Variants in FHIT observed in about 807,000 individuals in gnomAD.
FHIT encodes the protein bis(5'-adenosyl)-triphosphatase.
A neutral mutation model predicts 17.9 loss-of-function variants in FHIT; 19 were observed. The ratio of observed to expected loss-of-function variants is 1.06; its 90% CI spans 0.74 to 1.56. The LOEUF (loss-of-function observed/expected upper bound fraction) is 1.56, where lower values mean the gene tolerates loss of function less well. Ranked by LOEUF, FHIT falls within the 40% of genes most tolerant of loss-of-function variation. FHIT has a pLI of 0.00. For synonymous variants in FHIT, 81 were observed against 69.7 expected (o/e 1.16, Z -0.81); for missense variants, 248 against 189.2 (o/e 1.31, Z -1.82).
chr3:60,434,743 C>T (rs1244883745), intron 5 of FHIT, among the ~76,000 whole-genome samples: 1 of 152,096 alleles, frequency 6.6e-6, no homozygotes, highest in African/African-American at 2.4e-5. Context: ...TCAATTTCCT[C>T]CTGCATTTTG....
chr3:59,774,975 T>C (rs1702237889), intron 8 of FHIT, among the ~76,000 whole-genome samples: 1 of 152,172 alleles, frequency 6.6e-6, no homozygotes, highest in African/African-American at 2.4e-5. Context: ...TTAGGCTTCA[T>C]CTCAGACCGA....
chr3:60,887,283 T>G (rs1023183752), intron 3 of FHIT, among the ~76,000 whole-genome samples: 2 of 152,222 alleles, frequency 1.3e-5, no homozygotes, highest in Non-Finnish European at 2.9e-5. Flanking sequence ...ACTTTTGTTT[T>G]GTTTTGTTTT....
intron 5 of FHIT, among the ~76,000 whole-genome samples, chr3:60,532,915 CCT>C (rs2107590804): frequency 6.6e-6 from 1 of 152,218 alleles, no homozygotes; most frequent in Non-Finnish European, 1.5e-5. Context: ...CATTTACAAG[CCT>C]CTCATGAATG....
intron 5 of FHIT, among the ~76,000 whole-genome samples, chr3:60,473,529 G>T (rs565248566): frequency 6.6e-6 from 1 of 152,300 alleles, no homozygotes; most frequent in South Asian, 2.1e-4. Flanking sequence ...ACATGACAAT[G>T]AAAAGGCCAT....
intron 3 of FHIT, among the ~76,000 whole-genome samples, chr3:60,927,618 C>T (rs879958025): frequency 8.6e-5 from 13 of 151,572 alleles, no homozygotes; most frequent in Admixed American, 4.6e-4. Flanking sequence ...ATGTGAGGAG[C>T]GCCTCTGCCC....
intron 5 of FHIT, among the ~76,000 whole-genome samples, chr3:60,137,472 G>A (rs1316723398): frequency 6.6e-6 from 1 of 152,164 alleles, no homozygotes; most frequent in Non-Finnish European, 1.5e-5. Flanking sequence ...TCTTACATCT[G>A]TGATTCTCCC....
intron 3 of FHIT, among the ~76,000 whole-genome samples, chr3:60,944,085 CT>C (rs1708536290): frequency 6.6e-6 from 1 of 152,164 alleles, no homozygotes; most frequent in Admixed American, 6.5e-5. Flanking sequence ...TGCCTTCATC[CT>C]ACCACCTAAC....
At chr3:60,117,907 G>A (rs1414650535) in intron 5 of FHIT, among the ~76,000 whole-genome samples, 2 of 152,140 alleles carry the variant, frequency 1.3e-5, no homozygotes, top group Non-Finnish European at 2.9e-5. Context: ...GGATATCCAT[G>A]AGGCTGTCAG....
intron 5 of FHIT, among the ~76,000 whole-genome samples, chr3:60,271,033 A>C (rs1286572119): frequency 6.6e-6 from 1 of 152,166 alleles, no homozygotes; most frequent in African/African-American, 2.4e-5. Context: ...TTACCAGAGG[A>C]ATCTACATAA....
At chr3:60,949,930 T>G (rs1441130505) in intron 3 of FHIT, among the ~76,000 whole-genome samples, 2 of 152,196 alleles carry the variant, frequency 1.3e-5, no homozygotes, top group South Asian at 4.1e-4. Context: ...GGTATAGCCA[T>G]AAAGTGGAAT....
intron 3 of FHIT, among the ~76,000 whole-genome samples, chr3:60,837,797 C>G (rs1258122539): frequency 1.3e-5 from 2 of 152,076 alleles, no homozygotes; most frequent in East Asian, 3.9e-4. Context: ...AAAGGTTTCT[C>G]TAGGTATTAC....
At chr3:60,798,120 G>T (rs1175188657) in intron 4 of FHIT, among the ~76,000 whole-genome samples, 1 of 152,136 alleles carries the variant, frequency 6.6e-6, no homozygotes, top group Non-Finnish European at 1.5e-5. Context: ...TAGCACAAAA[G>T]GAATCACAGA....
In FHIT at chr3:60,142,417, A is replaced by G. The variant is rs146715992; in HGVS notation, c.104-128265T>C. Among the ~76,000 whole-genome samples the G allele has an allele frequency of 1.3e-4, 20 of 152,382 alleles. No homozygotes were observed. In the East Asian group the frequency reaches 3.7e-3, roughly 28 times the overall value. ...TACCGGGTCAAGGGCTAATAGTGGT[A>G]GTAAATTGTTGCTTAAAATTTTATT... On this transcript the variant is annotated intron_variant, in intron 5 of 9. Transcript: ENST00000492590.
chr3:60,877,650 T>C (rs535699610), intron 3 of FHIT, among the ~76,000 whole-genome samples: 4 of 152,276 alleles, frequency 2.6e-5, no homozygotes, highest in East Asian at 1.9e-4. Context: ...ATCATTGCCT[T>C]GGTCAAGTTA....
intron 5 of FHIT, among the ~76,000 whole-genome samples, chr3:60,474,587 G>A (rs2033251139): frequency 6.6e-6 from 1 of 151,854 alleles, no homozygotes; most frequent in Admixed American, 6.6e-5. Context: ...AAGCTTAGGA[G>A]GCTCATTTTC....
At chr3:60,865,168 A>G (rs560163168) in intron 3 of FHIT, among the ~76,000 whole-genome samples, 2 of 152,304 alleles carry the variant, frequency 1.3e-5, no homozygotes, top group Admixed American at 1.3e-4. Context: ...TGACCAAAAA[A>G]CTAAAAAATT....
At chr3:59,917,448 T>C (rs955533000) in intron 8 of FHIT, among the ~76,000 whole-genome samples, 1 of 152,196 alleles carries the variant, frequency 6.6e-6, no homozygotes, top group African/African-American at 2.4e-5. Flanking sequence ...CATTAGGCCA[T>C]GGGTGTTTCC....
At chr3:60,112,781 A>G (rs1559642886) in intron 5 of FHIT, among the ~76,000 whole-genome samples, 1 of 152,230 alleles carries the variant, frequency 6.6e-6, no homozygotes, top group Non-Finnish European at 1.5e-5. Context: ...ACATAGGAGC[A>G]TGATGGAAGC....
intron 8 of FHIT, among the ~76,000 whole-genome samples, chr3:59,827,715 C>G (rs925642169): frequency 6.6e-5 from 10 of 152,180 alleles, no homozygotes; most frequent in African/African-American, 2.4e-4. Context: ...GCCAAAGGGT[C>G]TTAACCACTG....
Sources: gnomAD v4.1 joint callset for allele counts (sites outside exome capture counted in the v4.1 genomes callset) on GRCh38, gnomAD v4.1.1 for gene constraint, MANE v1.5 for transcripts, NCBI Gene and HGNC (gene_info 2026-07-23, HGNC 2026-07-21) for gene names.